The following CAMKMT variants were observed in gnomAD, a reference collection of about 807,000 sequenced individuals.
The protein encoded by CAMKMT is CaM KMT.
In CAMKMT, 53 loss-of-function variants were observed where a neutral mutation model predicts 48.0. The ratio of observed to expected loss-of-function variants is 1.10; its 90% CI spans 0.89 to 1.39. The LOEUF is 1.39. Among genes scored for constraint, CAMKMT ranks in the 40% most tolerant of loss-of-function variants. The pLI is 0.00. For synonymous variants in CAMKMT, 165 were observed against 152.3 expected (o/e 1.08, Z -0.61); for missense variants, 428 against 402.7 (o/e 1.06, Z -0.54).
chr2:44,547,691 A>C (rs1408960472), intron 3 of CAMKMT, among the ~76,000 whole-genome samples: 1 of 151,976 alleles, frequency 6.6e-6, no homozygotes, highest in African/African-American at 2.4e-5. Flanking sequence ...CCATCTCTGT[A>C]CTATCATTTC....
chr2:44,686,444 C>T (rs1170087607), intron 3 of CAMKMT, among the ~76,000 whole-genome samples: 2 of 151,776 alleles, frequency 1.3e-5, no homozygotes, highest in Non-Finnish European at 2.9e-5. Flanking sequence ...AACAAACCCT[C>T]GTTTAGTTCA....
chr2:44,469,722 C>T (rs180768118), intron 3 of CAMKMT, among the ~76,000 whole-genome samples: 53 of 152,056 alleles, frequency 3.5e-4, no homozygotes, highest in African/African-American at 8.0e-4. Context: ...TAATGTTGTA[C>T]GCTTATCATC....
intron 3 of CAMKMT, among the ~76,000 whole-genome samples, chr2:44,525,090 T>C (rs1484636672): frequency 6.6e-6 from 1 of 152,188 alleles, no homozygotes; most frequent in Non-Finnish European, 1.5e-5. Flanking sequence ...TTAGTAGTTA[T>C]AGTAGTAGTA....
intron 3 of CAMKMT, among the ~76,000 whole-genome samples, chr2:44,397,624 C>T (rs1466501012): frequency 2.0e-4 from 31 of 151,596 alleles, no homozygotes; most frequent in Admixed American, 2.0e-3. Context: ...ATAAACAGAG[C>T]CCTACACGTT....
At chr2:44,669,288 TTC>T (rs1375886820) in intron 3 of CAMKMT, among the ~76,000 whole-genome samples, 2 of 152,234 alleles carry the variant, frequency 1.3e-5, no homozygotes, top group Non-Finnish European at 2.9e-5. Context: ...CAATATAATA[TTC>T]TACTGTATGA....
intron 6 of CAMKMT, among the ~76,000 whole-genome samples, chr2:44,707,736 A>G (rs528082275): frequency 6.6e-6 from 1 of 152,282 alleles, no homozygotes; most frequent in Non-Finnish European, 1.5e-5. Context: ...TTTCATAATA[A>G]TTTTCAAGCA....
chr2:44,481,977 T>C (rs1472393756), intron 3 of CAMKMT, among the ~76,000 whole-genome samples: 1 of 152,112 alleles, frequency 6.6e-6, no homozygotes, highest in Non-Finnish European at 1.5e-5. Flanking sequence ...TGTATTTAAC[T>C]TTCCCATATT....
chr2:44,714,629 C>T (rs1279985882), intron 6 of CAMKMT, among the ~76,000 whole-genome samples: 1 of 152,190 alleles, frequency 6.6e-6, no homozygotes, highest in African/African-American at 2.4e-5. Context: ...AAATACTTCA[C>T]ACTGGAAAGT....
At chr2:44,538,060 C>T (rs12470423) in intron 3 of CAMKMT, among the ~76,000 whole-genome samples, 68,419 of 151,986 alleles carry the variant, frequency 0.45, 17,639 homozygotes, top group Non-Finnish European at 0.59. Flanking sequence ...TAAGTGCCCA[C>T]CAATCAATGA....
chr2:44,408,432 T>G (rs1682936732), intron 3 of CAMKMT, among the ~76,000 whole-genome samples: 1 of 152,194 alleles, frequency 6.6e-6, no homozygotes. Flanking sequence ...GAAAGGTTTC[T>G]TGTTTTTTAT....
At chr2:44,599,072 G>A (rs1164889270) in intron 3 of CAMKMT, among the ~76,000 whole-genome samples, 1 of 152,002 alleles carries the variant, frequency 6.6e-6, no homozygotes, top group Non-Finnish European at 1.5e-5. Context: ...ATTTTCTGTG[G>A]ATGTTGACAC....
chr2:44,492,692 G>A (rs1011679830), intron 3 of CAMKMT, among the ~76,000 whole-genome samples: 3 of 151,980 alleles, frequency 2.0e-5, no homozygotes, highest in Admixed American at 2.0e-4. Context: ...TCAATCAGTG[G>A]TAATGATACA....
chr2:44,662,946 A>C (rs1298734589), intron 3 of CAMKMT, among the ~76,000 whole-genome samples: 1 of 152,232 alleles, frequency 6.6e-6, no homozygotes, highest in Non-Finnish European at 1.5e-5. Context: ...CATTTGCTTT[A>C]TCATTCTCTA....
intron 3 of CAMKMT, among the ~76,000 whole-genome samples, chr2:44,462,955 A>G (rs1312173747): frequency 1.3e-5 from 2 of 152,132 alleles, no homozygotes; most frequent in Non-Finnish European, 2.9e-5. Flanking sequence ...TGTATTTCCT[A>G]TACATTGATC....
At chr2:44,373,645 C>T (rs922461904) in intron 2 of CAMKMT, among the ~76,000 whole-genome samples, 1 of 152,152 alleles carries the variant, frequency 6.6e-6, no homozygotes, top group East Asian at 1.9e-4. Context: ...TTAGGTGAGG[C>T]TAGGAATAAT....
chr2:44,749,976 G>A (rs1273625568), intron 8 of CAMKMT, among the ~76,000 whole-genome samples: 1 of 152,208 alleles, frequency 6.6e-6, no homozygotes, highest in East Asian at 1.9e-4. Flanking sequence ...CCCTCATGGA[G>A]ATGGCTGATG....
intron 3 of CAMKMT, among the ~76,000 whole-genome samples, chr2:44,441,245 A>G (rs1459135150): frequency 6.6e-6 from 1 of 152,150 alleles, no homozygotes; most frequent in Non-Finnish European, 1.5e-5. Context: ...GCTGGAAAAT[A>G]GTTATTCCTT....
At chr2:44,401,482 G>C (rs1485296136) in intron 3 of CAMKMT, among the ~76,000 whole-genome samples, 1 of 151,984 alleles carries the variant, frequency 6.6e-6, no homozygotes, top group African/African-American at 2.4e-5. Flanking sequence ...TATTGAACCC[G>C]GGAGGCGGAG....
chr2:44,751,768 C>T (rs565661817), intron 8 of CAMKMT, among the ~76,000 whole-genome samples: 13 of 152,218 alleles, frequency 8.5e-5, no homozygotes, highest in Non-Finnish European at 1.8e-4. Flanking sequence ...TTTATAAAGA[C>T]ATGAGATTTA....
Sources: gnomAD v4.1 joint callset for allele counts (sites outside exome capture counted in the v4.1 genomes callset) on GRCh38, gnomAD v4.1.1 for gene constraint, MANE v1.5 for transcripts, NCBI Gene and HGNC (gene_info 2026-07-23, HGNC 2026-07-21) for gene names.